TMEM117: variants seen among roughly 807,000 people sequenced by gnomAD.
TMEM117 encodes transmembrane protein 117.
In TMEM117, 27 loss-of-function variants were observed where a neutral mutation model predicts 52.4. The ratio of observed to expected loss-of-function variants is 0.51; its 90% CI spans 0.38 to 0.71. The LOEUF (loss-of-function observed/expected upper bound fraction) is 0.71, where lower values mean the gene tolerates loss of function less well. Ranked by LOEUF, TMEM117 falls within the 30% of genes least tolerant of loss-of-function variation. The probability of loss-of-function intolerance (pLI) is 0.00; values close to 1 mark genes in which losing one functional copy is unlikely to be tolerated. For missense variants in TMEM117, 556 were observed against 630.5 expected (o/e 0.88, Z 1.26); for synonymous variants, 215 against 206.3 (o/e 1.04, Z -0.36).
chr12:44,391,597 C>T (rs1405215387), downstream of TMEM117, among the ~76,000 whole-genome samples: 1 of 152,124 alleles, frequency 6.6e-6, no homozygotes. Flanking sequence ...TGGTAGCTCA[C>T]CACTGGGCTC....
chr12:44,254,149 G>A (rs1027552471), intron 5 of TMEM117, among the ~76,000 whole-genome samples: 2 of 151,792 alleles, frequency 1.3e-5, no homozygotes, highest in African/African-American at 4.8e-5. Context: ...AGATTTCTAA[G>A]CCTAAAAGGA....
At chr12:44,372,383 C>T (rs1825234891) in intron 6 of TMEM117, among the ~76,000 whole-genome samples, 1 of 151,976 alleles carries the variant, frequency 6.6e-6, no homozygotes, top group African/African-American at 2.4e-5. Flanking sequence ...CACTTCTATA[C>T]AATCTGTATA....
intron 4 of TMEM117, among the ~76,000 whole-genome samples, chr12:44,166,849 A>G (rs555828187): frequency 2.0e-5 from 3 of 152,356 alleles, no homozygotes; most frequent in Admixed American, 6.5e-5. Flanking sequence ...CCAAATTTAC[A>G]AGGCTTGTTA....
At chr12:44,135,290 C>T (rs1471529007) in intron 3 of TMEM117, among the ~76,000 whole-genome samples, 3 of 152,142 alleles carry the variant, frequency 2.0e-5, no homozygotes, top group Admixed American at 2.0e-4. Flanking sequence ...GAGTGATAAT[C>T]CAAGATGGGA....
intron 4 of TMEM117, among the ~76,000 whole-genome samples, chr12:44,149,220 G>C (rs777232624): frequency 2.6e-5 from 4 of 152,204 alleles, no homozygotes; most frequent in African/African-American, 7.2e-5. Flanking sequence ...GTTGATCCCA[G>C]CTCTGGGGCA....
intron 6 of TMEM117, among the ~76,000 whole-genome samples, chr12:44,349,409 G>A (rs937718323): frequency 1.3e-5 from 2 of 152,038 alleles, no homozygotes; most frequent in Non-Finnish European, 2.9e-5. Flanking sequence ...TATTTTAACA[G>A]CTATGAAAAC....
At chr12:44,116,576 A>T (rs1473454337) in intron 3 of TMEM117, among the ~76,000 whole-genome samples, 1 of 152,224 alleles carries the variant, frequency 6.6e-6, no homozygotes, top group Non-Finnish European at 1.5e-5. Context: ...GGTGCAGACT[A>T]GTATTTCAAC....
At chr12:43,952,733 C>T (rs1249447607) in intron 3 of TMEM117, among the ~76,000 whole-genome samples, 1 of 152,114 alleles carries the variant, frequency 6.6e-6, no homozygotes, top group African/African-American at 2.4e-5. Flanking sequence ...GGATATCATC[C>T]AGGAGAACTT....
At chr12:43,851,134 CTCT>C (rs1943301758) in intron 2 of TMEM117, among the ~76,000 whole-genome samples, 1 of 152,132 alleles carries the variant, frequency 6.6e-6, no homozygotes, top group African/African-American at 2.4e-5. Context: ...TATGGGAAGT[CTCT>C]TCTTAGTAGA....
intron 3 of TMEM117, among the ~76,000 whole-genome samples, chr12:44,038,150 G>A (rs1946740067): frequency 6.6e-6 from 1 of 152,134 alleles, no homozygotes; most frequent in Non-Finnish European, 1.5e-5. Flanking sequence ...GGGGCTAAAA[G>A]AGCAATAACA....
chr12:44,044,539 C>T (rs73089738), intron 3 of TMEM117, among the ~76,000 whole-genome samples: 11,242 of 152,236 alleles, frequency 0.074, 727 homozygotes, highest in African/African-American at 0.17. Context: ...CCTGAAGGCA[C>T]AAGTAAGTTA....
intron 3 of TMEM117, among the ~76,000 whole-genome samples, chr12:43,974,013 A>G (rs950903605): frequency 6.6e-6 from 1 of 152,198 alleles, no homozygotes; most frequent in East Asian, 1.9e-4. Flanking sequence ...ACCAGAATTT[A>G]CTTGGCTCTT....
At chr12:44,053,443 A>G (rs1402663656) in intron 3 of TMEM117, among the ~76,000 whole-genome samples, 1 of 152,278 alleles carries the variant, frequency 6.6e-6, no homozygotes, top group Admixed American at 6.5e-5. Context: ...ATGTTCACCA[A>G]CCAGTAAGCT....
intron 2 of TMEM117, among the ~76,000 whole-genome samples, chr12:43,930,047 G>GTCAGTAT (rs1944846705): frequency 6.6e-6 from 1 of 152,004 alleles, no homozygotes; most frequent in Admixed American, 6.6e-5. Context: ...TTTTCTTCTG[G>GTCAGTAT]TCTGTAGATA....
chr12:44,144,957 A>G (rs920316969), intron 4 of TMEM117, among the ~76,000 whole-genome samples: 3 of 152,238 alleles, frequency 2.0e-5, no homozygotes, highest in African/African-American at 7.2e-5. Flanking sequence ...GGAGATCGAG[A>G]CCATCCTGGC....
intron 3 of TMEM117, among the ~76,000 whole-genome samples, chr12:44,114,869 A>G (rs1948110234): frequency 6.6e-6 from 1 of 152,204 alleles, no homozygotes; most frequent in Non-Finnish European, 1.5e-5. Flanking sequence ...TGTGGACTCT[A>G]TTCTAGACAT....
chr12:44,056,189 T>A (rs1947052209), intron 3 of TMEM117, among the ~76,000 whole-genome samples: 1 of 152,178 alleles, frequency 6.6e-6, no homozygotes, highest in Non-Finnish European at 1.5e-5. Flanking sequence ...AGCCTTGAAC[T>A]CCTGGGTTCT....
At chr12:43,954,229 C>G (rs1945270746) in intron 3 of TMEM117, among the ~76,000 whole-genome samples, 1 of 152,006 alleles carries the variant, frequency 6.6e-6, no homozygotes, top group Non-Finnish European at 1.5e-5. Flanking sequence ...ACCCTAACAT[C>G]ACAACTAAAA....
chr12:44,203,748 T>C (rs1949528257), intron 4 of TMEM117, among the ~76,000 whole-genome samples: 1 of 152,226 alleles, frequency 6.6e-6, no homozygotes, highest in South Asian at 2.1e-4. Context: ...TTTCATTTAA[T>C]TGTATGGTTT....
Sources: allele counts gnomAD v4.1 joint callset (sites outside exome capture counted in the v4.1 genomes callset), GRCh38; gene constraint gnomAD v4.1.1; transcripts MANE v1.5; gene names NCBI Gene and HGNC (gene_info 2026-07-23, HGNC 2026-07-21).